The following KCND2 variants were observed in gnomAD, a reference collection of about 807,000 sequenced individuals.
KCND2 encodes A-type voltage-gated potassium channel KCND2.
Under a neutral mutation model 54.4 loss-of-function variants are expected in KCND2, and 16 were observed. The ratio of observed to expected loss-of-function variants is 0.29; its 90% confidence interval spans 0.20 to 0.45. The LOEUF (loss-of-function observed/expected upper bound fraction) is 0.45. Among genes scored for constraint, KCND2 ranks in the 20% least tolerant of loss-of-function variants. The pLI is 1.00. For missense variants in KCND2, 486 were observed against 824.2 expected (o/e 0.59, Z 5.02); for synonymous variants, 317 against 310.7 (o/e 1.02, Z -0.21).
intron 1 of KCND2, among the ~76,000 whole-genome samples, chr7:120,436,854 C>T (rs935775829): frequency 1.3e-5 from 2 of 152,206 alleles, no homozygotes; most frequent in African/African-American, 4.8e-5. Context: ...TGTCAGCTGT[C>T]TCAGCCCACA....
rs73435881 is a variant in KCND2, at chr7:120,475,609, T to C, written c.1115+199862T>C. On this transcript the variant is annotated intron_variant, in intron 1 of 5. Transcript: ENST00000331113. The stretch of plus-strand genomic sequence containing the variant: ...AGGTTCACAGAGCTTAAATGACTGA[T>C]TGCGATGTCAAATAACAACATGGTG... Among the ~76,000 whole-genome samples, 1,463 of 152,292 alleles carry C rather than the reference T, an allele frequency of 9.6e-3. 22 individuals are homozygous for C. Among genetic ancestry groups the C allele is most frequent in the Middle Eastern group, 0.034 (10 of 294 alleles).
At chr7:120,442,146 C>T (rs1468158627) in intron 1 of KCND2, among the ~76,000 whole-genome samples, 2 of 152,046 alleles carry the variant, frequency 1.3e-5, no homozygotes, top group Admixed American at 6.6e-5. Context: ...TTTCAACTCA[C>T]AAATAGAATC....
At position 120,309,453 on chromosome 7, in the gene KCND2, A is replaced by ATATATATATATATG. The variant is rs1491423962; in HGVS notation, c.1115+33719_1115+33720insGTATATATATATAT. Among the ~76,000 whole-genome samples, 16 of 15,978 alleles carry ATATATATATATATG rather than the reference A, an allele frequency of 1.0e-3. No individual in the cohort carries two copies. In the East Asian group the frequency reaches 0.034, roughly 34 times the overall value. The allele number at this position is 15,978 out of a possible 152,430, so 10.5% of individuals were successfully genotyped here. ...AAATAGTTTAAATATAATAGAAAAC[A>ATATATATATATATG]TATATATATATATATATATATACAC... On this transcript the variant is annotated intron_variant, in intron 1 of 5. Coordinates refer to ENST00000331113, the MANE Select transcript of KCND2 (RefSeq NM_012281.3).
At chr7:120,409,329 C>T (rs1801413388) in intron 1 of KCND2, among the ~76,000 whole-genome samples, 1 of 151,870 alleles carries the variant, frequency 6.6e-6, no homozygotes, top group African/African-American at 2.4e-5. Flanking sequence ...AGCTGATGAT[C>T]ATTTGGCTAT....
At chr7:120,672,483 A>C (rs1584877901) in intron 1 of KCND2, among the ~76,000 whole-genome samples, 1 of 152,090 alleles carries the variant, frequency 6.6e-6, no homozygotes, top group East Asian at 1.9e-4. Flanking sequence ...TTTTCTCCTA[A>C]GTAATCTACT....
chr7:120,559,091 G>T (rs1792200987), intron 1 of KCND2, among the ~76,000 whole-genome samples: 1 of 151,790 alleles, frequency 6.6e-6, no homozygotes, highest in Non-Finnish European at 1.5e-5. Context: ...AGCAGTGGTT[G>T]AAAAAAATTG....
chr7:120,722,075 C>T (rs1373321069), intron 1 of KCND2, among the ~76,000 whole-genome samples: 3 of 152,108 alleles, frequency 2.0e-5, no homozygotes, highest in Admixed American at 6.6e-5. Flanking sequence ...AACTGTGAGT[C>T]GATTAAATCT....
chr7:120,741,821 A>G (rs1792944990), intron 3 of KCND2, among the ~76,000 whole-genome samples, 192 bp downstream of exon 3: 1 of 152,162 alleles, frequency 6.6e-6, no homozygotes, highest in African/African-American at 2.4e-5. Context: ...TAGAAACTTC[A>G]CTATGAAATA....
chr7:120,379,847 A>G (rs1488086158), intron 1 of KCND2, among the ~76,000 whole-genome samples: 5 of 152,078 alleles, frequency 3.3e-5, no homozygotes, highest in Non-Finnish European at 7.4e-5. Flanking sequence ...GATTACTGAG[A>G]CACACTATTT....
At chr7:120,491,009 G>A (rs1802771175) in intron 1 of KCND2, among the ~76,000 whole-genome samples, 1 of 152,110 alleles carries the variant, frequency 6.6e-6, no homozygotes, top group African/African-American at 2.4e-5. Context: ...AAGATCCAGT[G>A]ACTGAAGAAC....
chr7:120,711,851 A>G (rs1792542096), intron 1 of KCND2, among the ~76,000 whole-genome samples: 1 of 152,194 alleles, frequency 6.6e-6, no homozygotes, highest in African/African-American at 2.4e-5. Context: ...AGTTAGAATC[A>G]TAATTTATTT....
At chr7:120,349,555 T>C (rs1349979287) in intron 1 of KCND2, among the ~76,000 whole-genome samples, 1 of 152,158 alleles carries the variant, frequency 6.6e-6, no homozygotes, top group Non-Finnish European at 1.5e-5. Flanking sequence ...TTTCCTGGAG[T>C]AAATAGCATT....
At chr7:120,699,629 A>G (rs553674938) in intron 1 of KCND2, among the ~76,000 whole-genome samples, 2 of 152,330 alleles carry the variant, frequency 1.3e-5, no homozygotes, top group Admixed American at 6.5e-5. Flanking sequence ...GGAATTTGTT[A>G]TTAATCTTAA....
At position 120,737,075 on chromosome 7, in the gene KCND2, C is replaced by CAA. The variant is rs1554393285; in HGVS notation, c.1278+4012_1278+4013dup. On this transcript the variant is annotated intron_variant, in intron 2 of 5. Coordinates refer to ENST00000331113, the MANE Select transcript of KCND2 (RefSeq NM_012281.3). ...ACACACACACACACACACACACACA[C>CAA]AAACAAAAAAAAAAAAAACAAAACA... Among the ~76,000 whole-genome samples, 485 of 112,942 alleles carry CAA rather than the reference C, an allele frequency of 4.3e-3. 8 individuals are homozygous for CAA. The highest frequency in any genetic ancestry group is 0.016 in the African/African-American group (430 of 27,382). The allele number at this position is 112,942 out of a possible 152,430, so 74.1% of individuals were successfully genotyped here.
chr7:120,745,126 A>G (rs1792989831), intron 4 of KCND2, among the ~76,000 whole-genome samples: 2 of 152,204 alleles, frequency 1.3e-5, no homozygotes, highest in African/African-American at 4.8e-5. Flanking sequence ...AAAAAAGGCC[A>G]CAAAAGTTCA....
chr7:120,712,155 C>A (rs1212907804), intron 1 of KCND2, among the ~76,000 whole-genome samples: 1 of 128,154 alleles, frequency 7.8e-6, no homozygotes, highest in East Asian at 2.3e-4. Context: ...TGTCGTGGTA[C>A]GTCTAATTCT....
At chr7:120,434,682 T>C (rs562208872) in intron 1 of KCND2, among the ~76,000 whole-genome samples, 1 of 152,228 alleles carries the variant, frequency 6.6e-6, no homozygotes, top group South Asian at 2.1e-4. Context: ...CTGGTTGGAG[T>C]TTATTACTTC....
chr7:120,340,937 C>G (rs1439306586), intron 1 of KCND2, among the ~76,000 whole-genome samples: 1 of 152,074 alleles, frequency 6.6e-6, no homozygotes, highest in Non-Finnish European at 1.5e-5. Context: ...ATTACTATGA[C>G]TACATAAGGA....
chr7:120,604,602 G>A (rs1327429434), intron 1 of KCND2, among the ~76,000 whole-genome samples: 1 of 151,084 alleles, frequency 6.6e-6, no homozygotes, highest in South Asian at 2.1e-4. Context: ...ATCCAATTTA[G>A]ATTCAGTGTT....
Sources: allele counts gnomAD v4.1 joint callset (sites outside exome capture counted in the v4.1 genomes callset), GRCh38; gene constraint gnomAD v4.1.1; transcripts MANE v1.5; gene names NCBI Gene and HGNC (gene_info 2026-07-23, HGNC 2026-07-21).